The following NPC1 variants were observed in gnomAD, a reference collection of about 807,000 sequenced individuals.
The protein encoded by NPC1 is NPC intracellular cholesterol transporter 1.
Under a neutral mutation model 140.4 loss-of-function variants are expected in NPC1, and 85 were observed. The ratio of observed to expected loss-of-function variants is 0.61; its 90% CI spans 0.51 to 0.72. NPC1 has a LOEUF of 0.72. NPC1 is among the 30% of genes least tolerant of loss of function. NPC1 has a pLI of 0.00. For missense variants in NPC1, 1,504 were observed against 1,623.8 expected (o/e 0.93, Z 1.27); for synonymous variants, 656 against 624.8 (o/e 1.05, Z -0.74).
At chr18:23,545,524 G>A (rs139626562) in intron 11 of NPC1, among the ~76,000 whole-genome samples, 7 of 152,322 alleles carry the variant, frequency 4.6e-5, no homozygotes, top group Non-Finnish European at 8.8e-5. Flanking sequence ...GATTACAGGC[G>A]TGAGCCACTG....
At chr18:23,533,887 T>C (rs181374741) in intron 23 of NPC1, 10 of 346,152 alleles carry the variant, frequency 2.9e-5, no homozygotes, top group Non-Finnish European at 3.9e-5. Context: ...TAACACTATT[T>C]GCTGCCTTAT....
chr18:23,536,958 A>G (rs775518861), intron 20 of NPC1, 82 bp from the exon 21 acceptor site: 7 of 1,112,764 alleles, frequency 6.3e-6, no homozygotes, highest in African/African-American at 1.5e-5. Context: ...GCTAAGCAAA[A>G]TCACCTGACC....
chr18:23,524,051 T>G, intron 1 of NPC1: 1 of 1,401,538 alleles, frequency 7.1e-7, no homozygotes, highest in East Asian at 2.3e-5. Flanking sequence ...TTAAAAAGTA[T>G]TGACTTTTGT....
intron 10 of NPC1, 95 bp from the exon 11 acceptor site, chr18:23,548,203 T>C (rs2058815829): frequency 2.6e-6 from 2 of 773,654 alleles, no homozygotes; most frequent in South Asian, 2.7e-5. Flanking sequence ...GATTTCTCAC[T>C]GGAGCTATGG....
chr18:23,538,867 C>T, intron 19 of NPC1, 196 bp from the exon 20 acceptor site: 2 of 623,756 alleles, frequency 3.2e-6, no homozygotes, highest in Non-Finnish European at 5.6e-6. Context: ...ATCTGAAATA[C>T]CATTTTCATC....
downstream of NPC1, chr18:23,519,256 G>A (rs1038685108): frequency 6.4e-6 from 8 of 1,244,198 alleles, no homozygotes; most frequent in South Asian, 4.9e-5. Context: ...GGTGGATCAC[G>A]CCTGTAATCC....
chr18:23,518,792 A>T, downstream of NPC1: 2 of 1,059,856 alleles, frequency 1.9e-6, no homozygotes, highest in Non-Finnish European at 2.8e-6. Flanking sequence ...ATACTCCATT[A>T]AGTGAATATC....
chr18:23,542,909 A>G (rs1048371372), intron 14 of NPC1, among the ~76,000 whole-genome samples: 1 of 152,198 alleles, frequency 6.6e-6, no homozygotes, highest in East Asian at 1.9e-4. Flanking sequence ...CTGAACCCCA[A>G]CATCAATGCT....
intron 3 of NPC1, 107 bp downstream of exon 3, chr18:23,571,967 A>C: frequency 1.8e-6 from 1 of 552,472 alleles, no homozygotes; most frequent in East Asian, 3.8e-5. Flanking sequence ...TATAATATAG[A>C]CATATAATAA....
At chr18:23,527,613 A>C (rs2058343396), downstream of NPC1, among the ~76,000 whole-genome samples, 1 of 130,826 alleles carries the variant, frequency 7.6e-6, no homozygotes, top group African/African-American at 3.2e-5. Flanking sequence ...TTTTTTTTTA[A>C]CCGTAACCAG....
intron 14 of NPC1, among the ~76,000 whole-genome samples, chr18:23,542,209 C>T (rs970830469): frequency 6.6e-6 from 1 of 151,600 alleles, no homozygotes; most frequent in Non-Finnish European, 1.5e-5. Flanking sequence ...TATCATCACA[C>T]TTGCACTGGT....
intron 9 of NPC1, among the ~76,000 whole-genome samples, chr18:23,554,296 G>A (rs1011123632): frequency 1.3e-5 from 2 of 152,172 alleles, no homozygotes; most frequent in Admixed American, 6.5e-5. Flanking sequence ...TTCATCAACC[G>A]TCTCCCTCCA....
At chr18:23,577,693 G>A (rs986088366) in intron 1 of NPC1, among the ~76,000 whole-genome samples, 3 of 151,234 alleles carry the variant, frequency 2.0e-5, no homozygotes, top group South Asian at 2.1e-4. Flanking sequence ...GGCGCTCGTC[G>A]GGGAGGCTCA....
intron 7 of NPC1, 200 bp from the exon 8 acceptor site, chr18:23,556,813 C>T: frequency 2.4e-6 from 2 of 816,722 alleles, no homozygotes; most frequent in Middle Eastern, 3.5e-4. Context: ...GCTATTCCCA[C>T]CCCACAGAGG....
exon 4 of NPC1, chr18:23,506,279 C>T (rs1598837530): frequency 6.6e-6 from 1 of 152,080 alleles, no homozygotes; most frequent in Non-Finnish European, 1.5e-5. Context: ...ATGTATACAC[C>T]CATGAAACCA....
chr18:23,521,375 A>G (rs1173005778), downstream of NPC1, among the ~76,000 whole-genome samples: 1 of 152,232 alleles, frequency 6.6e-6, no homozygotes, highest in East Asian at 1.9e-4. Flanking sequence ...TTAGCTCTGT[A>G]ACGCTGAAAT....
Position 23,543,446 on chromosome 18 carries a change from C to A in NPC1, c.2245+9G>T, listed in dbSNP as rs2058740364. ...ACTACAGGACTGGTAGGATTGAAAG[C>A]ATAATTACCTAAGAAAAATGCTACA... On this transcript the variant is annotated intron_variant, in intron 14 of 24. Transcript: ENST00000269228. 1 of 1,518,840 alleles carries A rather than the reference C, an allele frequency of 6.6e-7. No homozygotes were observed. The highest frequency in any genetic ancestry group is 1.4e-5 in the African/African-American group (1 of 72,818). The allele number at this position is 1,518,840 out of a possible 1,614,324, so 94.1% of individuals were successfully genotyped here. A position where few individuals can be genotyped will look rare whatever the true frequency, so the allele number is the denominator to read the frequency against.
Position 23,532,134 on chromosome 18 carries a change from C to G in NPC1, c.*68G>C. On this transcript the variant is annotated 3_prime_UTR_variant, in exon 25 of 25. Transcript: ENST00000269228. ...GGTGTTCAACTTGGCCTTGCCGATGCAGCACCCGTCCAGTGGTAAACCGAC... is the reference window on the plus strand; with the variant it reads ...GGTGTTCAACTTGGCCTTGCCGATGGAGCACCCGTCCAGTGGTAAACCGAC... 4 of 1,614,066 alleles carry G rather than the reference C, an allele frequency of 2.5e-6. No individual in the cohort carries two copies. In the East Asian group the frequency reaches 6.7e-5, roughly 27 times the overall value.
chr18:23,579,681 G>A (rs2059334186), intron 1 of NPC1, among the ~76,000 whole-genome samples: 1 of 152,114 alleles, frequency 6.6e-6, no homozygotes, highest in African/African-American at 2.4e-5. Flanking sequence ...ACGAGGTCAG[G>A]AGATCGAGAC....
Sources: gnomAD v4.1 joint callset for allele counts (sites outside exome capture counted in the v4.1 genomes callset) on GRCh38, gnomAD v4.1.1 for gene constraint, MANE v1.5 for transcripts, NCBI Gene and HGNC (gene_info 2026-07-23, HGNC 2026-07-21) for gene names.